The following CDH6 variants were observed in gnomAD, a reference collection of about 807,000 sequenced individuals.
CDH6 encodes cadherin-6.
In CDH6, 31 loss-of-function variants were observed where a neutral mutation model predicts 78.0. The observed-to-expected ratio is 0.40, with a 90% CI of 0.30 to 0.54. CDH6 has a LOEUF of 0.54. CDH6 is among the 20% of genes least tolerant of loss of function. The pLI, the probability that CDH6 is intolerant of heterozygous loss-of-function variation, is 0.56. For synonymous variants in CDH6, 376 were observed against 368.8 expected (o/e 1.02, Z -0.23); for missense variants, 724 against 975.9 (o/e 0.74, Z 3.44).
chr5:31,242,594 G>C (rs1455685215), intron 1 of CDH6, among the ~76,000 whole-genome samples: 1 of 152,066 alleles, frequency 6.6e-6, no homozygotes, highest in African/African-American at 2.4e-5. Flanking sequence ...GTAGCATGCA[G>C]GGAAAGCAAA....
chr5:31,214,781 C>G (rs56944568), intron 1 of CDH6, among the ~76,000 whole-genome samples: 1 of 152,138 alleles, frequency 6.6e-6, no homozygotes, highest in Non-Finnish European at 1.5e-5. Flanking sequence ...ACATTCATCT[C>G]GCTACTTTCA....
At chr5:31,265,899 C>G (rs1294698153) in intron 1 of CDH6, among the ~76,000 whole-genome samples, 2 of 151,268 alleles carry the variant, frequency 1.3e-5, no homozygotes, top group Non-Finnish European at 3.0e-5. Flanking sequence ...CTCAGCCTCC[C>G]AAGTAGCTGG....
chr5:31,228,878 CT>C (rs1328349333), intron 1 of CDH6, among the ~76,000 whole-genome samples: 2 of 152,190 alleles, frequency 1.3e-5, no homozygotes, highest in Non-Finnish European at 2.9e-5. Flanking sequence ...TGGGGAACCC[CT>C]GATCTTAGGC....
chr5:31,194,188 G>A (rs1740097543), intron 1 of CDH6, among the ~76,000 whole-genome samples: 1 of 152,206 alleles, frequency 6.6e-6, no homozygotes, highest in African/African-American at 2.4e-5. Context: ...CGGGAAGCGG[G>A]CCGCCGCAGA....
At chr5:31,216,788 G>A (rs1224842912) in intron 1 of CDH6, among the ~76,000 whole-genome samples, 1 of 151,702 alleles carries the variant, frequency 6.6e-6, no homozygotes, top group Non-Finnish European at 1.5e-5. Context: ...ATAATAAATG[G>A]CAGTTTGACT....
chr5:31,271,329 C>T (rs1742524222), intron 2 of CDH6, among the ~76,000 whole-genome samples: 1 of 151,934 alleles, frequency 6.6e-6, no homozygotes, highest in Non-Finnish European at 1.5e-5. Flanking sequence ...CGGTGGGGTT[C>T]ACAACAGCCA....
At chr5:31,247,146 T>G (rs1186111314) in intron 1 of CDH6, among the ~76,000 whole-genome samples, 1 of 152,202 alleles carries the variant, frequency 6.6e-6, no homozygotes, top group African/African-American at 2.4e-5. Flanking sequence ...GAGAATGGGC[T>G]GGCTATCATA....
intron 1 of CDH6, among the ~76,000 whole-genome samples, chr5:31,260,059 A>C (rs1393893890): frequency 6.6e-6 from 1 of 152,230 alleles, no homozygotes; most frequent in Non-Finnish European, 1.5e-5. Context: ...TTGTAGAATA[A>C]AAGGCATAAC....
chr5:31,198,538 T>A (rs1740234288), intron 1 of CDH6, among the ~76,000 whole-genome samples: 1 of 152,172 alleles, frequency 6.6e-6, no homozygotes, highest in Non-Finnish European at 1.5e-5. Context: ...GAAAGAACAC[T>A]GTGTTTTCTC....
At position 31,317,660 on chromosome 5, in the gene CDH6, T is replaced by C; in HGVS notation, c.1631-13T>C. 6.2e-7 allele frequency: 1 copy of C among 1,603,878 alleles called. No homozygotes were observed. Among genetic ancestry groups the C allele is most frequent in the Non-Finnish European group, 8.5e-7 (1 of 1,172,796 alleles). On this transcript the variant is annotated splice_polypyrimidine_tract_variant and intron_variant, in intron 10 of 11. Coordinates refer to ENST00000265071, the MANE Select transcript of CDH6 (RefSeq NM_004932.4). ...TATCCACATACATTCACCACTTTGC[T>C]TTCCGGTTCCAGACAACACGGCGGG...
rs367754823 is a variant in CDH6, at chr5:31,198,070, T to G, written c.-129+4184T>G. Among the ~76,000 whole-genome samples the G allele has an allele frequency of 4.7e-3, 708 of 152,200 alleles. 8 individuals carry two copies. Among genetic ancestry groups the G allele is most frequent in the Middle Eastern group, 0.024 (7 of 294 alleles). On this transcript the variant is annotated intron_variant, in intron 1 of 11. Transcript: ENST00000265071. Reference sequence around the variant, plus strand: ...ACAACCCTTCAAAGAAGTGGTGCATTCAAAATTACTACTAAATAGTTGGGT... The same window carrying G: ...ACAACCCTTCAAAGAAGTGGTGCATGCAAAATTACTACTAAATAGTTGGGT...
At chr5:31,266,588 C>A (rs150461769) in intron 1 of CDH6, among the ~76,000 whole-genome samples, 3 of 151,950 alleles carry the variant, frequency 2.0e-5, no homozygotes, top group African/African-American at 4.8e-5. Context: ...AATACAAATT[C>A]TATAGGTTGC....
At chr5:31,225,230 G>C (rs976875735) in intron 1 of CDH6, among the ~76,000 whole-genome samples, 4 of 152,150 alleles carry the variant, frequency 2.6e-5, no homozygotes, top group Admixed American at 6.5e-5. Context: ...TGTTCTATTT[G>C]ATGCATAAAT....
In CDH6 at chr5:31,220,133, G is replaced by A. The variant is rs112622646; in HGVS notation, c.-129+26247G>A. ...TAAAAACAGTTCTTTATATTTTTCTGTGACACATCTTCCATGTTGGAGAGC... is the reference window on the plus strand; with the variant it reads ...TAAAAACAGTTCTTTATATTTTTCTATGACACATCTTCCATGTTGGAGAGC... On this transcript the variant is annotated intron_variant, in intron 1 of 11. Transcript: ENST00000265071. 4.0e-3 allele frequency among the ~76,000 whole-genome samples: 603 copies of A among 152,240 alleles called. 8 individuals are homozygous for A. Among genetic ancestry groups the A allele is most frequent in the African/African-American group, 0.013 (558 of 41,558 alleles).
intron 2 of CDH6, among the ~76,000 whole-genome samples, chr5:31,284,150 A>G (rs766841793): frequency 1.3e-5 from 2 of 152,188 alleles, no homozygotes; most frequent in Non-Finnish European, 2.9e-5. Context: ...CATTTTGTAG[A>G]TCAAGAAATA....
At chr5:31,269,056 T>C (rs962410107) in intron 2 of CDH6, among the ~76,000 whole-genome samples, 1 of 152,216 alleles carries the variant, frequency 6.6e-6, no homozygotes, top group African/African-American at 2.4e-5. Flanking sequence ...TTGTGAAATC[T>C]GAAGAACTCT....
In CDH6 at chr5:31,324,898, T is replaced by C. The variant is rs1344169857; in HGVS notation, c.*1590T>C. 5.0e-6 allele frequency: 1 copy of C among 201,808 alleles called. No homozygotes were observed. Among genetic ancestry groups the C allele is most frequent in the Non-Finnish European group, 1.0e-5 (1 of 98,346 alleles). 12.5% of individuals were successfully genotyped at this position (201,808 alleles called of 1,614,324 possible). The stretch of plus-strand genomic sequence containing the variant: ...GTACTATAATGAAAACATCCTTGTT[T>C]TGAAAACCTAAAAGACAGGCTCTGT... On this transcript the variant is annotated 3_prime_UTR_variant, in exon 12 of 12. Coordinates refer to ENST00000265071, the MANE Select transcript of CDH6 (RefSeq NM_004932.4).
At chr5:31,233,234 AT>A (rs1320637578) in intron 1 of CDH6, among the ~76,000 whole-genome samples, 1 of 152,202 alleles carries the variant, frequency 6.6e-6, no homozygotes, top group Non-Finnish European at 1.5e-5. Flanking sequence ...ACACAAAAAA[AT>A]AAAGTATAAA....
intron 11 of CDH6, among the ~76,000 whole-genome samples, chr5:31,320,179 A>G (rs1406247488): frequency 6.6e-6 from 1 of 152,228 alleles, no homozygotes; most frequent in East Asian, 1.9e-4. Flanking sequence ...TTTTCACTTT[A>G]TAAAAGTTAG....
Sources: allele counts gnomAD v4.1 joint callset (sites outside exome capture counted in the v4.1 genomes callset), GRCh38; gene constraint gnomAD v4.1.1; transcripts MANE v1.5; gene names NCBI Gene and HGNC (gene_info 2026-07-23, HGNC 2026-07-21).